LRRFIP2: variants seen among roughly 807,000 people sequenced by gnomAD.
LRRFIP2 encodes leucine-rich repeat flightless-interacting protein 2.
In LRRFIP2, 109 loss-of-function variants were observed where a neutral mutation model predicts 125.9. That is an observed-to-expected ratio of 0.87 (90% CI 0.74 to 1.01). LRRFIP2 has a LOEUF of 1.01. Ranked by LOEUF, LRRFIP2 falls within the 50% of genes least tolerant of loss-of-function variation. The probability of loss-of-function intolerance (pLI) is 0.00; values close to 1 mark genes in which losing one functional copy is unlikely to be tolerated. For synonymous variants in LRRFIP2, 291 were observed against 293.1 expected (o/e 0.99, Z 0.07); for missense variants, 850 against 862.3 (o/e 0.99, Z 0.18).
intron 1 of LRRFIP2, among the ~76,000 whole-genome samples, chr3:37,173,889 C>A (rs1338009391): frequency 6.6e-6 from 1 of 152,296 alleles, no homozygotes; most frequent in South Asian, 2.1e-4. Context: ...CTTTTCCTTT[C>A]GTTAACGGAG....
intron 1 of LRRFIP2, among the ~76,000 whole-genome samples, chr3:37,171,240 T>A (rs746206917): frequency 3.9e-5 from 6 of 152,228 alleles, no homozygotes; most frequent in Non-Finnish European, 8.8e-5. Flanking sequence ...CAAAATGTCC[T>A]TTATAACTCC....
intron 4 of LRRFIP2, among the ~76,000 whole-genome samples, chr3:37,123,994 C>T (rs572229336): frequency 1.3e-5 from 2 of 152,268 alleles, no homozygotes; most frequent in East Asian, 3.9e-4. Context: ...CCTAAAAAGA[C>T]TTCTGAAAAC....
At chr3:37,139,939 A>G (rs2095650774) in intron 2 of LRRFIP2, among the ~76,000 whole-genome samples, 1 of 152,158 alleles carries the variant, frequency 6.6e-6, no homozygotes, top group South Asian at 2.1e-4. Flanking sequence ...ACCTTATTGA[A>G]ATTGTTCATC....
At chr3:37,069,308 T>C (rs904293336) in intron 21 of LRRFIP2, among the ~76,000 whole-genome samples, 1 of 152,208 alleles carries the variant, frequency 6.6e-6, no homozygotes, top group Non-Finnish European at 1.5e-5. Context: ...ACAGCAGCAT[T>C]ATTCACAATG....
At position 37,055,098 on chromosome 3, in the gene LRRFIP2, G is replaced by A; in HGVS notation, c.1938C>T (p.Thr646=). Residue 646 remains threonine (T), a synonymous_variant, in exon 26 of 28, where the codon ACC becomes ACT. Coordinates refer to ENST00000336686, the MANE Select transcript of LRRFIP2 (RefSeq NM_006309.4). The part of the protein sequence containing the change: ...KLSKAEQDIT[T]LEQSISRLEG... ...TAGAAGTACTTACACTTTGCTCCAA[G>A]GTAGTTATATCCTGTTCTGCTTTTG... The A allele has an allele frequency of 6.3e-7, 1 of 1,592,308 alleles. No homozygotes were observed.
Position 37,112,929 on chromosome 3 carries a change from G to A in LRRFIP2, c.424C>T (p.His142Tyr), listed in dbSNP as rs1674747421. Reference protein sequence around the residue: ...HGMKKRSSDSHKDLLSGLYFD... With the variant: ...HGMKKRSSDSYKDLLSGLYFD... The stretch of plus-strand genomic sequence containing the variant: ...ACAGAACTAACCAGTAGGTCTTTAT[G>A]AGAATCAGAAGACCTCTTCTTCATT... Residue 142 changes from histidine to tyrosine, a missense_variant, in exon 8 of 28, where the codon CAT becomes TAT. His to Tyr is a moderately conservative substitution (Grantham distance 83). Transcript: ENST00000336686. 1.3e-6 allele frequency: 2 copies of A among 1,574,082 alleles called. No homozygotes were observed. The highest frequency in any genetic ancestry group is 1.3e-5 in the African/African-American group (1 of 74,322).
chr3:37,152,568 C>T (rs542085265), intron 1 of LRRFIP2, among the ~76,000 whole-genome samples: 135 of 152,256 alleles, frequency 8.9e-4, no homozygotes, highest in Non-Finnish European at 3.8e-4. Flanking sequence ...CTCAGCCTCC[C>T]GAGTAGCTGG....
chr3:37,168,669 A>T (rs917097366), intron 1 of LRRFIP2, among the ~76,000 whole-genome samples: 7 of 152,256 alleles, frequency 4.6e-5, no homozygotes, highest in Non-Finnish European at 8.8e-5. Context: ...GATAAATTTT[A>T]AGTTATGTAC....
chr3:37,074,814 T>G (rs1253102317), intron 20 of LRRFIP2, among the ~76,000 whole-genome samples: 1 of 152,216 alleles, frequency 6.6e-6, no homozygotes. Flanking sequence ...ACACAAAAAT[T>G]TCTGCTACCA....
rs1260087135 is a variant in LRRFIP2, at chr3:37,135,172, A to C, written c.91-6023T>G. 32 of 1,059,926 alleles carry C rather than the reference A, an allele frequency of 3.0e-5. 1 individual carries two copies. The highest frequency in any genetic ancestry group is 4.5e-5 in the Non-Finnish European group (32 of 716,294). The allele number at this position is 1,059,926 out of a possible 1,614,324, so 65.7% of individuals were successfully genotyped here. On this transcript the variant is annotated intron_variant, in intron 2 of 27. Transcript: ENST00000336686. ...AAACTTTAAATTACTGTTTAAAAAAAAAAAAAGGCTGGGCACGTTGGCTCA... is the reference window on the plus strand; with the variant it reads ...AAACTTTAAATTACTGTTTAAAAAACAAAAAAGGCTGGGCACGTTGGCTCA...
At chr3:37,119,138 T>G (rs1470843889) in intron 6 of LRRFIP2, among the ~76,000 whole-genome samples, 4 of 152,216 alleles carry the variant, frequency 2.6e-5, no homozygotes, top group Admixed American at 6.5e-5. Context: ...CAGAGAGTAA[T>G]GTACTAGAAT....
chr3:37,130,814 G>A (rs1163949433), intron 2 of LRRFIP2, among the ~76,000 whole-genome samples: 1 of 152,144 alleles, frequency 6.6e-6, no homozygotes, highest in African/African-American at 2.4e-5. Flanking sequence ...GTATGCCAAA[G>A]AGAAGCCACA....
chr3:37,154,994 T>C (rs1365258824), intron 1 of LRRFIP2, among the ~76,000 whole-genome samples: 2 of 152,218 alleles, frequency 1.3e-5, no homozygotes, highest in African/African-American at 2.4e-5. Flanking sequence ...AAACATTTCA[T>C]AGTTATTCAT....
At chr3:37,145,369 G>T (rs2095831281) in intron 2 of LRRFIP2, among the ~76,000 whole-genome samples, 1 of 152,144 alleles carries the variant, frequency 6.6e-6, no homozygotes, top group African/African-American at 2.4e-5. Flanking sequence ...CTTTGGATCT[G>T]CAATGATACA....
intron 1 of LRRFIP2, chr3:37,170,940 G>A (rs2150413324): frequency 6.6e-6 from 1 of 152,294 alleles, no homozygotes; most frequent in East Asian, 1.9e-4. Context: ...CCTGTGTGAT[G>A]ATGTATGCAT....
intron 24 of LRRFIP2, among the ~76,000 whole-genome samples, chr3:37,061,244 C>T (rs1423864304): frequency 2.0e-5 from 3 of 152,160 alleles, no homozygotes; most frequent in East Asian, 1.9e-4. Context: ...TTTGGGAGGA[C>T]GAGGTGGGTG....
At chr3:37,150,410 C>G (rs1038825999) in intron 1 of LRRFIP2, among the ~76,000 whole-genome samples, 1 of 152,002 alleles carries the variant, frequency 6.6e-6, no homozygotes, top group African/African-American at 2.4e-5. Context: ...TTCAGTGAGC[C>G]GAGGTTGCAC....
intron 2 of LRRFIP2, among the ~76,000 whole-genome samples, chr3:37,132,520 C>T (rs974999902): frequency 1.3e-5 from 2 of 152,202 alleles, no homozygotes; most frequent in Non-Finnish European, 2.9e-5. Flanking sequence ...CCCTTTGTTA[C>T]TTAGCCAACT....
chr3:37,096,621 T>A lies in LRRFIP2; in HGVS notation c.913A>T (p.Thr305Ser), dbSNP rs753205411. 3.2e-6 allele frequency: 5 copies of A among 1,562,198 alleles called. No homozygotes were observed. The highest frequency in any genetic ancestry group is 4.4e-6 in the Non-Finnish European group (5 of 1,139,528). ...KSDKQYAENY[T>S]RPSSRNSASA... is the part of the protein sequence containing the mutation. ...TTAGGAATTTACATACTCACTCTTG[T>A]ATAATTTTCAGCATACTGTTTGTCA... Residue 305 changes from threonine (T) to serine (S), a missense_variant, in exon 16 of 28, where the codon ACA (threonine) becomes TCA (serine). Coordinates refer to ENST00000336686, the MANE Select transcript of LRRFIP2 (RefSeq NM_006309.4).
Sources: allele counts gnomAD v4.1 joint callset (sites outside exome capture counted in the v4.1 genomes callset), GRCh38; gene constraint gnomAD v4.1.1; transcripts MANE v1.5; gene names NCBI Gene and HGNC (gene_info 2026-07-23, HGNC 2026-07-21).